RAC1: variants seen among roughly 807,000 people sequenced by gnomAD.
The protein encoded by RAC1 is ras-related C3 botulinum toxin substrate 1.
RAC1 carries 2 observed loss-of-function variants against 25.2 expected under a neutral mutation model. That is an observed-to-expected ratio of 0.08 (90% CI 0.03 to 0.25). The LOEUF is 0.25. Among genes scored for constraint, RAC1 ranks in the 10% least tolerant of loss-of-function variants. RAC1 has a pLI of 1.00. For missense variants in RAC1, 50 were observed against 235.7 expected, an observed-to-expected ratio of 0.21 and a Z score of 5.16; for synonymous variants, 88 against 94.0, an observed-to-expected ratio of 0.94 and a Z score of 0.37.
chr7:6,398,704 GAC>G lies in RAC1; in HGVS notation c.226-1420_226-1419del, dbSNP rs768706205. ...TAAGGATATAACCTCCCGGGGCAAA[GAC>G]AAGCCGATTGCCGTATGTAAAACTT... On this transcript the variant is annotated intron_variant, in intron 3 of 5. Coordinates refer to ENST00000348035, the MANE Select transcript of RAC1 (RefSeq NM_006908.5). 17 of 1,613,610 alleles carry G rather than the reference GAC, an allele frequency of 1.1e-5. No homozygotes were observed. The highest frequency in any genetic ancestry group is 1.4e-5 in the Non-Finnish European group (16 of 1,179,730).
intron 3 of RAC1, among the ~76,000 whole-genome samples, chr7:6,393,702 G>C (rs1783152329): frequency 6.6e-6 from 1 of 152,164 alleles, no homozygotes; most frequent in Non-Finnish European, 1.5e-5. Context: ...GGAGCAAGGA[G>C]GGAGTGGGAC....
Position 6,402,006 on chromosome 7 carries a change from C to T in RAC1, c.427C>T (p.Leu143=). 1 of 1,613,896 alleles carries T rather than the reference C, an allele frequency of 6.2e-7. No individual in the cohort carries two copies. Among genetic ancestry groups the T allele is most frequent in the Non-Finnish European group, 8.5e-7 (1 of 1,179,876 alleles). ...GACTCCCATCACCTATCCGCAGGGT[C>T]TAGCCATGGCTAAGGAGATTGGTAT... ...KLTPITYPQG[L]AMAKEIGAVK... Residue 143 remains leucine (L), a synonymous_variant, in exon 5 of 6, where the codon CTA becomes TTA. Coordinates refer to ENST00000348035, the MANE Select transcript of RAC1 (RefSeq NM_006908.5).
At chr7:6,381,390 CTTTT>C (rs71008386) in intron 1 of RAC1, among the ~76,000 whole-genome samples, 6 of 132,264 alleles carry the variant, frequency 4.5e-5, no homozygotes, top group East Asian at 2.2e-4. Flanking sequence ...TAATTGCTGG[CTTTT>C]TTTTTTTTTT....
chr7:6,385,593 A>G (rs939137943), intron 1 of RAC1, among the ~76,000 whole-genome samples: 1 of 152,198 alleles, frequency 6.6e-6, no homozygotes, highest in African/African-American at 2.4e-5. Context: ...GTTGGAAGCT[A>G]CTTCCTGGTG....
rs1783474496 is a variant in RAC1 at position 6,403,334 on chromosome 7, C to T, written c.*888C>T. ...AGCTTTTCCTTTCTCTTACACCTGCCATGCCTCCCCAAATTGGGCATTTAA... is the reference window on the plus strand; with the variant it reads ...AGCTTTTCCTTTCTCTTACACCTGCTATGCCTCCCCAAATTGGGCATTTAA... On this transcript the variant is annotated 3_prime_UTR_variant, in exon 6 of 6. Coordinates refer to ENST00000348035, the MANE Select transcript of RAC1 (RefSeq NM_006908.5). 2 of 208,838 alleles carry T rather than the reference C, an allele frequency of 9.6e-6. No individual in the cohort carries two copies. The allele number at this position is 208,838 out of a possible 1,614,324, so 12.9% of individuals were successfully genotyped here. A position where few individuals can be genotyped will look rare whatever the true frequency, so the allele number is the denominator to read the frequency against.
chr7:6,400,020 C>G, intron 3 of RAC1, 106 bp from the exon 4 acceptor site: 1 of 1,020,364 alleles, frequency 9.8e-7, no homozygotes, highest in Non-Finnish European at 1.6e-6. Flanking sequence ...CACTGGTAGA[C>G]ACGCTCTGCG....
chr7:6,386,998 T>A (rs1355839601), intron 1 of RAC1, among the ~76,000 whole-genome samples: 1 of 151,688 alleles, frequency 6.6e-6, no homozygotes, highest in African/African-American at 2.4e-5. Context: ...GGCTCCTGAC[T>A]CTATCTTTCT....
chr7:6,376,452 G>A (rs1300984591), intron 1 of RAC1, among the ~76,000 whole-genome samples: 1 of 149,536 alleles, frequency 6.7e-6, no homozygotes, highest in Non-Finnish European at 1.5e-5. Context: ...CCAGAGTGTT[G>A]GGATTACAGG....
chr7:6,402,529 A>AAAAAAAAAAAAAAAAC lies in RAC1; in HGVS notation c.*91_*92insAAAAAAACAAAAAAAA. On this transcript the variant is annotated 3_prime_UTR_variant, in exon 6 of 6. Coordinates refer to ENST00000348035, the MANE Select transcript of RAC1 (RefSeq NM_006908.5). ...AAAAAAAACAAAAAAAAAAAACAAA[A>AAAAAAAAAAAAAAAAC]AAAAAAAACAACGGTGGAGCCTTCG... The AAAAAAAAAAAAAAAAC allele has an allele frequency of 9.1e-7, 1 of 1,096,606 alleles. No individual in the cohort carries two copies. The highest frequency in any genetic ancestry group is 1.2e-6 in the Non-Finnish European group (1 of 855,428). 67.9% of individuals were successfully genotyped at this position (1,096,606 alleles called of 1,614,324 possible).
intron 1 of RAC1, among the ~76,000 whole-genome samples, chr7:6,384,913 C>A (rs1342281619): frequency 6.6e-6 from 1 of 152,066 alleles, no homozygotes; most frequent in Admixed American, 6.6e-5. Context: ...TCAAGTGATC[C>A]TCGTGCCTCA....
intron 1 of RAC1, among the ~76,000 whole-genome samples, chr7:6,375,368 C>A (rs997517755): frequency 6.6e-6 from 1 of 152,004 alleles, no homozygotes; most frequent in African/African-American, 2.4e-5. Context: ...GGATTACAGG[C>A]GTGTGCCACC....
intron 1 of RAC1, chr7:6,375,969 T>C (rs1370457640): frequency 1.3e-5 from 2 of 152,112 alleles, no homozygotes; most frequent in Non-Finnish European, 2.9e-5. Context: ...TCAATGCAAC[T>C]GGTACATGTT....
At chr7:6,395,339 T>C (rs1207466784) in intron 3 of RAC1, among the ~76,000 whole-genome samples, 1 of 152,160 alleles carries the variant, frequency 6.6e-6, no homozygotes, top group African/African-American at 2.4e-5. Context: ...GGTGTTCAGC[T>C]TGGCAGTTTT....
chr7:6,388,522 T>C (rs1353812145), intron 2 of RAC1, among the ~76,000 whole-genome samples: 1 of 151,986 alleles, frequency 6.6e-6, no homozygotes, highest in East Asian at 1.9e-4. Flanking sequence ...TTTTTGTTTC[T>C]TTAGTAGAGA....
intron 3 of RAC1, among the ~76,000 whole-genome samples, chr7:6,397,526 C>T (rs1783278449): frequency 6.6e-6 from 1 of 152,084 alleles, no homozygotes. Context: ...AACTCCTGAC[C>T]TCGTGATCCA....
intron 4 of RAC1, chr7:6,401,563 T>C (rs1279863347): frequency 4.7e-6 from 1 of 210,710 alleles, no homozygotes; most frequent in Non-Finnish European, 9.4e-6. Context: ...CTATTTGCTT[T>C]GGGAGGAACT....
intron 2 of RAC1, among the ~76,000 whole-genome samples, chr7:6,389,977 TCCCTCCCTCCTC>T (rs1274365744): frequency 2.2e-5 from 3 of 139,350 alleles, no homozygotes. Flanking sequence ...CTTCCTTTCT[TCCCTCCCTCCTC>T]CTCTCCCTCC....
At chr7:6,391,708 T>C in intron 2 of RAC1, 1 of 556,800 alleles carries the variant, frequency 1.8e-6, no homozygotes, top group Non-Finnish European at 3.1e-6. Flanking sequence ...TTGTTGTTTG[T>C]TTCTTTCATT....
chr7:6,376,176 C>CTTGTTTTTT (rs1782586878), intron 1 of RAC1, among the ~76,000 whole-genome samples: 1 of 65,514 alleles, frequency 1.5e-5, no homozygotes, highest in Non-Finnish European at 2.6e-5. Flanking sequence ...GCTATTCAGG[C>CTTGTTTTTT]TTTTTTTTTT....
Sources: gnomAD v4.1 joint callset for allele counts (sites outside exome capture counted in the v4.1 genomes callset) on GRCh38, gnomAD v4.1.1 for gene constraint, MANE v1.5 for transcripts, NCBI Gene and HGNC (gene_info 2026-07-23, HGNC 2026-07-21) for gene names.